Variants in HSF2 observed in about 807,000 individuals in gnomAD.
HSF2 encodes the protein heat shock factor protein 2.
Under a neutral mutation model 65.0 loss-of-function variants are expected in HSF2, and 21 were observed. That is an observed-to-expected ratio of 0.32 (90% CI 0.23 to 0.47). The LOEUF (loss-of-function observed/expected upper bound fraction) is 0.47, where lower values mean the gene tolerates loss of function less well. Among genes scored for constraint, HSF2 ranks in the 20% least tolerant of loss-of-function variants. HSF2 has a pLI of 1.00. For missense variants in HSF2, 499 were observed against 628.1 expected (o/e 0.79, Z 2.20); for synonymous variants, 225 against 219.1 (o/e 1.03, Z -0.24).
intron 1 of HSF2, among the ~76,000 whole-genome samples, chr6:122,408,666 G>C (rs1426718336): frequency 2.0e-5 from 3 of 152,046 alleles, no homozygotes; most frequent in African/African-American, 7.2e-5. Flanking sequence ...TACACCCATA[G>C]TATCTGTGAT....
intron 7 of HSF2, 26 bp from the exon 8 acceptor site, chr6:122,422,124 A>G: frequency 5.3e-6 from 8 of 1,504,812 alleles, no homozygotes; most frequent in Non-Finnish European, 7.2e-6. Context: ...TGATTTTTAG[A>G]TATATTTTTC....
intron 4 of HSF2, among the ~76,000 whole-genome samples, chr6:122,414,383 T>TA (rs1774074716): frequency 6.6e-6 from 1 of 152,208 alleles, no homozygotes; most frequent in African/African-American, 2.4e-5. Flanking sequence ...TGTGAGACGT[T>TA]ACTTTAGTTA....
chr6:122,428,147 T>C (rs766413261), intron 11 of HSF2, among the ~76,000 whole-genome samples, 191 bp downstream of exon 11: 1 of 152,054 alleles, frequency 6.6e-6, no homozygotes, highest in Non-Finnish European at 1.5e-5. Context: ...TTACCCACTT[T>C]TGGCACTTGT....
intron 1 of HSF2, among the ~76,000 whole-genome samples, chr6:122,402,841 C>T (rs143522207): frequency 4.6e-5 from 7 of 152,150 alleles, no homozygotes; most frequent in Non-Finnish European, 7.4e-5. Flanking sequence ...TGTGAGCCAC[C>T]GGCGCCCAGG....
intron 1 of HSF2, among the ~76,000 whole-genome samples, chr6:122,406,800 T>C (rs1054023951): frequency 1.5e-4 from 23 of 152,180 alleles, no homozygotes; most frequent in African/African-American, 5.6e-4. Flanking sequence ...TTGAAAATTG[T>C]TTAATTTTTC....
At chr6:122,409,176 G>A (rs1773933067) in intron 1 of HSF2, among the ~76,000 whole-genome samples, 1 of 151,948 alleles carries the variant, frequency 6.6e-6, no homozygotes, top group Non-Finnish European at 1.5e-5. Context: ...CCTCTTATTT[G>A]ATAGGTGGAA....
intron 1 of HSF2, among the ~76,000 whole-genome samples, chr6:122,401,585 A>G (rs1337299697): frequency 6.6e-6 from 1 of 152,204 alleles, no homozygotes; most frequent in Non-Finnish European, 1.5e-5. Flanking sequence ...GCATCATTCT[A>G]TGAGTTCTAA....
chr6:122,423,181 C>T (rs764678209), intron 9 of HSF2, among the ~76,000 whole-genome samples: 25 of 151,976 alleles, frequency 1.6e-4, no homozygotes, highest in Non-Finnish European at 3.2e-4. Context: ...TGATATACTT[C>T]CTTTGAGTGT....
At chr6:122,404,677 C>A (rs1773823783) in intron 1 of HSF2, among the ~76,000 whole-genome samples, 1 of 152,166 alleles carries the variant, frequency 6.6e-6, no homozygotes, top group Non-Finnish European at 1.5e-5. Context: ...GAGAAGGTGC[C>A]TATCTTTCCC....
intron 12 of HSF2, 23 bp downstream of exon 12, chr6:122,431,537 G>T: frequency 7.5e-7 from 1 of 1,338,550 alleles, no homozygotes; most frequent in Non-Finnish European, 1.1e-6. Context: ...ATAGTATTCA[G>T]TCTCTGTAGG....
chr6:122,413,297 C>T (rs1447571641), intron 3 of HSF2, among the ~76,000 whole-genome samples: 3 of 138,638 alleles, frequency 2.2e-5, no homozygotes, highest in East Asian at 2.1e-4. Flanking sequence ...TTCCTGCTTG[C>T]GGAAACTTTT....
Position 122,432,216 on chromosome 6 carries a change from G to C in HSF2, c.1607G>C (p.Ser536Thr). The C allele has an allele frequency of 6.2e-7, 1 of 1,607,160 alleles. No homozygotes were observed. The highest frequency in any genetic ancestry group is 8.5e-7 in the Non-Finnish European group (1 of 1,174,996). ...PLDSDMPLLD[S>T] ...GATAGTGATATGCCACTTTTAGATAGCTAAATCCCCAGGAAGTGGACTTTA... is the reference window on the plus strand; with the variant it reads ...GATAGTGATATGCCACTTTTAGATACCTAAATCCCCAGGAAGTGGACTTTA... The change falls in exon 13 of 13, where the codon AGC becomes ACC. Residue 536 changes from serine (S) to threonine (T), a missense_variant. This residue lies in a region of HSF2 where 349 missense variants were observed against 393.5 expected (regional missense o/e 0.89). Coordinates refer to ENST00000368455, the MANE Select transcript of HSF2 (RefSeq NM_004506.4).
At chr6:122,419,091 T>C in intron 5 of HSF2, 77 bp from the exon 6 acceptor site, 1 of 698,056 alleles carries the variant, frequency 1.4e-6, no homozygotes, top group South Asian at 1.7e-5. Flanking sequence ...TTATATGAAT[T>C]TGTTTTATAA....
chr6:122,412,012 T>G lies in HSF2; in HGVS notation c.94-361T>G, dbSNP rs553367709. Reference sequence around the variant, plus strand: ...TACTTCCTCTCAAAATCTTTTTTTTTTATTTTGGTCTTAATTGCACTAGTT... The same window carrying G: ...TACTTCCTCTCAAAATCTTTTTTTTGTATTTTGGTCTTAATTGCACTAGTT... On this transcript the variant is annotated intron_variant, in intron 1 of 12. Transcript: ENST00000368455. 3.9e-5 allele frequency among the ~76,000 whole-genome samples: 6 copies of G among 152,046 alleles called. No homozygotes were observed. The South Asian group carries it at 1.2e-3, about 32-fold the overall frequency.
intron 1 of HSF2, among the ~76,000 whole-genome samples, chr6:122,402,728 T>G (rs1773766647): frequency 6.6e-6 from 1 of 152,080 alleles, no homozygotes; most frequent in Admixed American, 6.5e-5. Flanking sequence ...AATTTTTGTA[T>G]TTTTAGTAGA....
intron 11 of HSF2, among the ~76,000 whole-genome samples, chr6:122,429,859 G>C (rs888264536): frequency 6.6e-6 from 1 of 152,066 alleles, no homozygotes; most frequent in Non-Finnish European, 1.5e-5. Context: ...GGATGAAGCC[G>C]ACTTGATGGT....
rs956624874 is a variant in HSF2, at chr6:122,413,635, T to C, written c.441T>C (p.Leu147=). 1.9e-6 allele frequency: 3 copies of C among 1,604,968 alleles called. No homozygotes were observed. Among genetic ancestry groups the C allele is most frequent in the African/African-American group, 2.7e-5 (2 of 74,534 alleles). The change falls in exon 4 of 13, where the codon CTT becomes CTC. Residue 147 remains leucine, a synonymous_variant. Transcript: ENST00000368455. The part of the protein sequence containing the change: ...QIKQETIESR[L]SELKSENESL... ...AACAGGAAACTATTGAGTCCAGGCT[T>C]TCTGAATTAAAAAGGTAAAGTGTTA...
rs760119758 is a variant in HSF2, at chr6:122,412,355, T to C, written c.94-18T>C. The C allele has an allele frequency of 1.4e-6, 2 of 1,462,888 alleles. No individual in the cohort carries two copies. The highest frequency in any genetic ancestry group is 4.5e-5 in the East Asian group (2 of 44,134). The allele number at this position is 1,462,888 out of a possible 1,614,324, so 90.6% of individuals were successfully genotyped here. A position where few individuals can be genotyped will look rare whatever the true frequency, so the allele number is the denominator to read the frequency against. On this transcript the variant is annotated intron_variant, in intron 1 of 12. Transcript: ENST00000368455. ...AACTTAACTAATTTACTTTTTCTTT[T>C]TTTTTTTCCCCTTGCAGAATGGCCA...
intron 10 of HSF2, among the ~76,000 whole-genome samples, chr6:122,424,127 T>G (rs1774293473): frequency 2.0e-5 from 3 of 152,036 alleles, no homozygotes; most frequent in Admixed American, 2.0e-4. Flanking sequence ...TTTGCCTTAT[T>G]TTTTACATTT....
Sources: gnomAD v4.1 joint callset for allele counts (sites outside exome capture counted in the v4.1 genomes callset) on GRCh38, gnomAD v4.1.1 for gene constraint, gnomAD v4.1.1 regional missense constraint, MANE v1.5 for transcripts, NCBI Gene and HGNC (gene_info 2026-07-23, HGNC 2026-07-21) for gene names.